NSD1: variants seen among roughly 807,000 people sequenced by gnomAD.
The protein encoded by NSD1 is histone-lysine N-methyltransferase, H3 lysine-36 specific.
A neutral mutation model predicts 242.7 loss-of-function variants in NSD1; 26 were observed. That is an observed-to-expected ratio of 0.11 (90% CI 0.08 to 0.15). NSD1 has a LOEUF of 0.15. Ranked by LOEUF, NSD1 falls within the 10% of genes least tolerant of loss-of-function variation. The pLI is 1.00. For missense variants in NSD1, 2,495 were observed against 3,272.8 expected (o/e 0.76, Z 5.80); for synonymous variants, 1,106 against 1,178.1 (o/e 0.94, Z 1.25).
chr5:177,159,849 A>G (rs1185957628), intron 2 of NSD1, among the ~76,000 whole-genome samples: 1 of 150,716 alleles, frequency 6.6e-6, no homozygotes. Context: ...TCGGCCTCCC[A>G]AAGTGCTGGG....
At position 177,135,761 on chromosome 5, in the gene NSD1, G is replaced by A. The variant is rs755449099; in HGVS notation, c.658G>A (p.Gly220Ser). The change falls in exon 2 of 23, where the codon GGT becomes AGT. Residue 220 changes from glycine (G) to serine (S), a missense_variant. Coordinates refer to ENST00000439151, the MANE Select transcript of NSD1 (RefSeq NM_022455.5). ...AGACAGCACACCAGAGAGTAGACAC[G>A]GTGCAGTCAAATCGCCATTCTTGCC... ...EQDSTPESRH[G>S]AVKSPFLPLA... 1 of 1,613,520 alleles carries A rather than the reference G, an allele frequency of 6.2e-7. No homozygotes were observed. The highest frequency in any genetic ancestry group is 1.3e-5 in the African/African-American group (1 of 75,008).
chr5:177,290,483 C>G (rs1040842283), intron 21 of NSD1, among the ~76,000 whole-genome samples: 1 of 151,246 alleles, frequency 6.6e-6, no homozygotes, highest in South Asian at 2.1e-4. Context: ...TCTCGGCTCA[C>G]TGTAACCTCC....
chr5:177,243,961 A>G lies in NSD1; in HGVS notation c.4303-234A>G, dbSNP rs565924314. ...ACCCGCCTCAGCCTCCTAACGTGCTAGGATTACAGGTGTGAGCCATCATGC... is the reference window on the plus strand; with the variant it reads ...ACCCGCCTCAGCCTCCTAACGTGCTGGGATTACAGGTGTGAGCCATCATGC... On this transcript the variant is annotated intron_variant, in intron 8 of 22. Transcript: ENST00000439151. Among the ~76,000 whole-genome samples, 15 of 152,170 alleles carry G rather than the reference A, an allele frequency of 9.9e-5. No homozygotes were observed. In the South Asian group the frequency reaches 3.1e-3, roughly 32 times the overall value.
At chr5:177,191,761 A>G in intron 2 of NSD1, 123 bp from the exon 3 acceptor site, 1 of 939,582 alleles carries the variant, frequency 1.1e-6, no homozygotes, top group South Asian at 1.4e-5. Flanking sequence ...AATTCTTTTT[A>G]GGCTAGAGTG....
chr5:177,158,297 C>CTTTCTTTCTTTCT (rs1350704343), intron 2 of NSD1, among the ~76,000 whole-genome samples: 110 of 104,040 alleles, frequency 1.1e-3, no homozygotes, highest in African/African-American at 3.1e-3. Flanking sequence ...TTCTTTCTTT[C>CTTTCTTTCTTTCT]TTTCTTTTCT....
At chr5:177,289,609 T>A (rs1469677513) in intron 21 of NSD1, among the ~76,000 whole-genome samples, 1 of 152,144 alleles carries the variant, frequency 6.6e-6, no homozygotes, top group East Asian at 1.9e-4. Flanking sequence ...ACTTTCTCTT[T>A]CTGAAGATAC....
intron 2 of NSD1, among the ~76,000 whole-genome samples, chr5:177,145,713 A>G (rs1448951830): frequency 4.6e-5 from 7 of 152,002 alleles, no homozygotes; most frequent in Admixed American, 4.6e-4. Context: ...GTCCAAGACC[A>G]GCCTGACCAA....
Position 177,135,786 on chromosome 5 carries a change from C to T in NSD1, c.683C>T (p.Pro228Leu). The T allele has an allele frequency of 6.2e-7, 1 of 1,612,536 alleles. No individual in the cohort carries two copies. The highest frequency in any genetic ancestry group is 8.5e-7 in the Non-Finnish European group (1 of 1,178,626). Residue 228 changes from proline to leucine, a missense_variant, in exon 2 of 23, where the codon CCA (proline) becomes CTA (leucine). Coordinates refer to ENST00000439151, the MANE Select transcript of NSD1 (RefSeq NM_022455.5). ...RHGAVKSPFLPLAPQTETQKN... is the reference protein window; with the variant it reads ...RHGAVKSPFLLLAPQTETQKN... ...GGTGCAGTCAAATCGCCATTCTTGC[C>T]ATTAGCTCCTCAGACTGAAACACAG... is the stretch of plus-strand genomic sequence containing the variant.
intron 2 of NSD1, among the ~76,000 whole-genome samples, chr5:177,186,542 G>T (rs531615189): frequency 6.6e-5 from 10 of 151,968 alleles, no homozygotes; most frequent in Non-Finnish European, 1.5e-4. Context: ...TAAAGATCTC[G>T]TCCAAAATTC....
intron 14 of NSD1, chr5:177,265,315 T>C (rs1156736169): frequency 3.1e-6 from 2 of 635,728 alleles, no homozygotes; most frequent in East Asian, 2.7e-5. Flanking sequence ...GAATAAATTA[T>C]ATATAAAGTG....
chr5:177,191,389 C>T (rs1055559379), intron 2 of NSD1, among the ~76,000 whole-genome samples: 4 of 152,136 alleles, frequency 2.6e-5, no homozygotes, highest in Non-Finnish European at 5.9e-5. Flanking sequence ...CATGTGCCAC[C>T]ACTCCTGGCT....
chr5:177,276,170 A>G (rs1758364877), intron 17 of NSD1, among the ~76,000 whole-genome samples: 1 of 151,552 alleles, frequency 6.6e-6, no homozygotes, highest in African/African-American at 2.4e-5. Context: ...GCTCAAAGCA[A>G]TCCACCCACC....
chr5:177,280,386 T>C (rs1428782715), intron 17 of NSD1, among the ~76,000 whole-genome samples, 179 bp from the exon 18 acceptor site: 3 of 152,174 alleles, frequency 2.0e-5, no homozygotes, highest in African/African-American at 7.2e-5. Context: ...GCAATTCTTG[T>C]GGAGTTCATA....
At position 177,291,959 on chromosome 5, in the gene NSD1, A is replaced by G; in HGVS notation, c.6264A>G (p.Gln2088=). The G allele has an allele frequency of 6.2e-7, 1 of 1,613,634 alleles. No homozygotes were observed. Among genetic ancestry groups the G allele is most frequent in the African/African-American group, 1.3e-5 (1 of 75,046 alleles). Residue 2088 remains glutamine, a synonymous_variant, in exon 22 of 23, where the codon CAA becomes CAG. Coordinates refer to ENST00000439151, the MANE Select transcript of NSD1 (RefSeq NM_022455.5). ...GTTCAATATCTGACCTGTAGAATCA[A>G]CCCATTGCCACGGAAGAAAAGTCAA... ...SGFLGVRPKN[Q]PIATEEKSKK...
chr5:177,234,043 T>C (rs1765260390), intron 5 of NSD1, among the ~76,000 whole-genome samples: 1 of 152,220 alleles, frequency 6.6e-6, no homozygotes, highest in Non-Finnish European at 1.5e-5. Flanking sequence ...TGTGCATGCC[T>C]GGCACCACTT....
chr5:177,171,511 T>TGTATCAGCTAATGAA (rs1404681403), intron 2 of NSD1, among the ~76,000 whole-genome samples: 1 of 152,220 alleles, frequency 6.6e-6, no homozygotes, highest in Non-Finnish European at 1.5e-5. Context: ...TTATTTAGCA[T>TGTATCAGCTAATGAA]GTATCAGCGG....
At chr5:177,240,040 G>A (rs1765732599) in intron 8 of NSD1, among the ~76,000 whole-genome samples, 175 bp downstream of exon 8, 1 of 152,156 alleles carries the variant, frequency 6.6e-6, no homozygotes, top group South Asian at 2.1e-4. Flanking sequence ...TTGCAGTTGT[G>A]TGACCATGTA....
intron 22 of NSD1, among the ~76,000 whole-genome samples, chr5:177,292,816 A>G (rs1759950158): frequency 6.6e-6 from 1 of 152,114 alleles, no homozygotes; most frequent in Admixed American, 6.5e-5. Context: ...GGGGTTAGAG[A>G]ATTTTAGGGA....
intron 12 of NSD1, among the ~76,000 whole-genome samples, chr5:177,252,985 C>T (rs1470054764): frequency 6.6e-6 from 1 of 151,982 alleles, no homozygotes; most frequent in Non-Finnish European, 1.5e-5. Context: ...CGTATATGCT[C>T]TTATAACGAG....
Sources: gnomAD v4.1 joint callset for allele counts (sites outside exome capture counted in the v4.1 genomes callset) on GRCh38, gnomAD v4.1.1 for gene constraint, MANE v1.5 for transcripts, NCBI Gene and HGNC (gene_info 2026-07-23, HGNC 2026-07-21) for gene names.